PTPRD: variants seen among roughly 807,000 people sequenced by gnomAD.
The protein encoded by PTPRD is receptor-type tyrosine-protein phosphatase delta.
Under a neutral mutation model 214.5 loss-of-function variants are expected in PTPRD, and 34 were observed. That is an observed-to-expected ratio of 0.16 (90% CI 0.12 to 0.21). The LOEUF is 0.21. Among genes scored for constraint, PTPRD ranks in the 10% least tolerant of loss-of-function variants. The pLI is 1.00. For missense variants in PTPRD, 2,545 were observed against 2,398.7 expected (o/e 1.06, Z -1.27); for synonymous variants, 1,128 against 845.7 (o/e 1.33, Z -5.79).
At chr9:8,838,362 A>G (rs2097484390) in intron 11 of PTPRD, among the ~76,000 whole-genome samples, 8 of 152,138 alleles carry the variant, frequency 5.3e-5, no homozygotes, top group Admixed American at 5.2e-4. Context: ...CTTGCCTTAT[A>G]CCACAACCAT....
At chr9:8,791,321 G>A (rs952094923) in intron 11 of PTPRD, among the ~76,000 whole-genome samples, 1 of 151,818 alleles carries the variant, frequency 6.6e-6, no homozygotes, top group African/African-American at 2.4e-5. Context: ...CGCCTCCCAG[G>A]TTCAAGTGAT....
intron 10 of PTPRD, among the ~76,000 whole-genome samples, chr9:9,119,916 T>A (rs2099816020): frequency 6.6e-6 from 1 of 151,930 alleles, no homozygotes; most frequent in Non-Finnish European, 1.5e-5. Context: ...CCCTAACTAC[T>A]CTGACTAGAT....
At chr9:9,558,151 G>A (rs560212687) in intron 8 of PTPRD, among the ~76,000 whole-genome samples, 7 of 152,044 alleles carry the variant, frequency 4.6e-5, no homozygotes, top group African/African-American at 1.4e-4. Context: ...GTGCCAGCGC[G>A]CCCACCATGT....
chr9:10,573,345 T>C (rs1004414300), intron 2 of PTPRD, among the ~76,000 whole-genome samples: 6 of 152,180 alleles, frequency 3.9e-5, no homozygotes, highest in African/African-American at 1.4e-4. Flanking sequence ...CAAATGCAAG[T>C]AACCCCAACT....
intron 22 of PTPRD, among the ~76,000 whole-genome samples, chr9:8,505,643 A>G (rs1466560314): frequency 4.2e-4 from 52 of 123,366 alleles, no homozygotes; most frequent in South Asian, 1.3e-3. Context: ...AAAAAAAAAA[A>G]AAGAAGAAGA....
At chr9:10,347,690 G>A (rs898401849) in intron 2 of PTPRD, among the ~76,000 whole-genome samples, 1 of 151,926 alleles carries the variant, frequency 6.6e-6, no homozygotes, top group Non-Finnish European at 1.5e-5. Context: ...GATTACAGGC[G>A]TGAGTCACTG....
intron 14 of PTPRD, among the ~76,000 whole-genome samples, chr9:8,533,295 A>C (rs375000652): frequency 6.6e-6 from 1 of 152,114 alleles, no homozygotes; most frequent in South Asian, 2.1e-4. Flanking sequence ...CGTGAATTCA[A>C]CCAGACTAGT....
rs145994487 is a variant in PTPRD, at chr9:9,814,108, A to G, written c.-367-47257T>C. ...ATAAAATTTATTATCTTTCCATGAT[A>G]AAACTCTGAAGAATTTAGGTGTAGA... On this transcript the variant is annotated intron_variant, in intron 5 of 45. Transcript: ENST00000381196. Among the ~76,000 whole-genome samples, 15 of 152,282 alleles carry G rather than the reference A, an allele frequency of 9.9e-5. No homozygotes were observed. In the East Asian group the frequency reaches 2.7e-3, roughly 27 times the overall value.
chr9:9,780,234 C>A (rs2098832477), intron 5 of PTPRD, among the ~76,000 whole-genome samples: 1 of 151,976 alleles, frequency 6.6e-6, no homozygotes, highest in Non-Finnish European at 1.5e-5. Context: ...AACATGAGAA[C>A]AATAGACACT....
rs758953508 is a variant in PTPRD, at chr9:9,783,652, C to T, written c.-367-16801G>A. On this transcript the variant is annotated intron_variant, in intron 5 of 45. Transcript: ENST00000381196. ...GAAGTCATAATAAAGAGCACAAGAA[C>T]GCTACTTTGTACCCCTTGTTGTCTC... is the stretch of plus-strand genomic sequence containing the variant. Among the ~76,000 whole-genome samples, 21 of 151,972 alleles carry T rather than the reference C, an allele frequency of 1.4e-4. 1 individual carries two copies. Among genetic ancestry groups the T allele is most frequent in the African/African-American group, 4.3e-4 (18 of 41,398 alleles).
At chr9:8,462,473 AT>A (rs990078101) in intron 32 of PTPRD, among the ~76,000 whole-genome samples, 5 of 152,144 alleles carry the variant, frequency 3.3e-5, no homozygotes, top group Non-Finnish European at 7.4e-5. Flanking sequence ...CTCTCTCTTG[AT>A]TCCCAAATAA....
At chr9:9,061,194 T>A (rs982673033) in intron 10 of PTPRD, among the ~76,000 whole-genome samples, 2 of 152,140 alleles carry the variant, frequency 1.3e-5, no homozygotes, top group Non-Finnish European at 2.9e-5. Context: ...TTTGGAAAAA[T>A]TCCTTTGGTT....
At chr9:9,590,012 T>C (rs2092551194) in intron 7 of PTPRD, among the ~76,000 whole-genome samples, 1 of 151,990 alleles carries the variant, frequency 6.6e-6, no homozygotes. Context: ...TAAGCAACTC[T>C]TACTCTTTTG....
rs1296034331 is a variant in PTPRD, at chr9:8,316,943, T to A, written c.*931A>T. On this transcript the variant is annotated 3_prime_UTR_variant, in exon 46 of 46. Coordinates refer to ENST00000381196, the MANE Select transcript of PTPRD (RefSeq NM_002839.4). ...TTTTTGTGTGGACACACTGTCTATATATACATAGACACCCTTATAAAATAT... is the reference window on the plus strand; with the variant it reads ...TTTTTGTGTGGACACACTGTCTATAAATACATAGACACCCTTATAAAATAT... The A allele has an allele frequency of 4.3e-6, 1 of 231,448 alleles. No homozygotes were observed. The highest frequency in any genetic ancestry group is 2.2e-5 in the African/African-American group (1 of 45,194). 14.3% of individuals were successfully genotyped at this position (231,448 alleles called of 1,614,324 possible). A position where few individuals can be genotyped will look rare whatever the true frequency, so the allele number is the denominator to read the frequency against.
At chr9:10,264,570 T>C (rs2093924035) in intron 3 of PTPRD, among the ~76,000 whole-genome samples, 1 of 152,214 alleles carries the variant, frequency 6.6e-6, no homozygotes, top group African/African-American at 2.4e-5. Context: ...ATTTACCCAA[T>C]GCCTGTACCC....
intron 6 of PTPRD, among the ~76,000 whole-genome samples, chr9:9,736,718 T>C (rs183346537): frequency 2.6e-5 from 4 of 152,196 alleles, no homozygotes; most frequent in Non-Finnish European, 2.9e-5. Context: ...ATATGTTTAT[T>C]AGTCATACAC....
intron 27 of PTPRD, among the ~76,000 whole-genome samples, chr9:8,490,527 T>C (rs2097128758): frequency 6.6e-6 from 1 of 152,200 alleles, no homozygotes; most frequent in African/African-American, 2.4e-5. Flanking sequence ...AACATAGCTG[T>C]TCAATATAGT....
intron 8 of PTPRD, among the ~76,000 whole-genome samples, chr9:9,422,994 C>T (rs533008708): frequency 1.3e-4 from 20 of 152,072 alleles, no homozygotes; most frequent in Non-Finnish European, 2.4e-4. Context: ...TCCCTCTTGG[C>T]GTATAACACA....
intron 12 of PTPRD, among the ~76,000 whole-genome samples, chr9:8,731,425 G>A (rs2098657613): frequency 6.6e-6 from 1 of 152,198 alleles, no homozygotes; most frequent in Non-Finnish European, 1.5e-5. Flanking sequence ...AAGGCTAGAT[G>A]TGCTAATGAA....
Sources: allele counts gnomAD v4.1 joint callset (sites outside exome capture counted in the v4.1 genomes callset), GRCh38; gene constraint gnomAD v4.1.1; transcripts MANE v1.5; gene names NCBI Gene and HGNC (gene_info 2026-07-23, HGNC 2026-07-21).